Variants in SH3RF2 observed in about 807,000 individuals in gnomAD.
SH3RF2 encodes the protein SH3 domain containing ring finger 2.
A neutral mutation model predicts 59.0 loss-of-function variants in SH3RF2; 43 were observed. The ratio of observed to expected loss-of-function variants is 0.73; its 90% CI spans 0.57 to 0.94. The LOEUF (loss-of-function observed/expected upper bound fraction) is 0.94. Among genes scored for constraint, SH3RF2 ranks in the 40% least tolerant of loss-of-function variants. The pLI is 0.00. For missense variants in SH3RF2, 930 were observed against 940.1 expected (o/e 0.99, Z 0.14); for synonymous variants, 391 against 391.5 (o/e 1.00, Z 0.01).
intron 9 of SH3RF2, among the ~76,000 whole-genome samples, chr5:146,076,403 A>G (rs1408716416): frequency 6.6e-6 from 1 of 152,192 alleles, no homozygotes; most frequent in East Asian, 1.9e-4. Flanking sequence ...ACCTAGGCAC[A>G]GGGAGGAGAG....
At chr5:146,007,721 G>A (rs554352866) in intron 4 of SH3RF2, among the ~76,000 whole-genome samples, 49 of 152,200 alleles carry the variant, frequency 3.2e-4, no homozygotes, top group African/African-American at 1.1e-3. Context: ...TAAAATTAGC[G>A]AGTACAAGAA....
At chr5:146,017,104 T>G (rs1053544262) in intron 5 of SH3RF2, among the ~76,000 whole-genome samples, 1 of 152,168 alleles carries the variant, frequency 6.6e-6, no homozygotes, top group African/African-American at 2.4e-5. Flanking sequence ...TTTCTACCTG[T>G]GGGAAACCAC....
chr5:146,067,601 C>G (rs1763136761), downstream of SH3RF2, among the ~76,000 whole-genome samples: 2 of 152,214 alleles, frequency 1.3e-5, no homozygotes, highest in African/African-American at 4.8e-5. Context: ...AACAATATCC[C>G]CAAGTGATTC....
At position 146,062,707 on chromosome 5, in the gene SH3RF2, C is replaced by T. The variant is rs150674980; in HGVS notation, c.*6C>T. 6.6e-5 allele frequency: 106 copies of T among 1,609,492 alleles called. No homozygotes were observed. The highest frequency in any genetic ancestry group is 6.5e-4 in the South Asian group (59 of 90,662). ...CCGTGTTTCCCAGCAAATGAACCTA[C>T]GGGTGGCTTTTCCTAGACCCCAAAG... On this transcript the variant is annotated 3_prime_UTR_variant, in exon 10 of 10. Transcript: ENST00000359120.
At chr5:145,984,360 C>A (rs1759621080) in intron 2 of SH3RF2, among the ~76,000 whole-genome samples, 1 of 152,098 alleles carries the variant, frequency 6.6e-6, no homozygotes, top group Non-Finnish European at 1.5e-5. Context: ...GAGGAAGACC[C>A]AACCCAGGCT....
At chr5:145,961,258 T>C (rs1758621303) in intron 2 of SH3RF2, among the ~76,000 whole-genome samples, 1 of 150,456 alleles carries the variant, frequency 6.6e-6, no homozygotes, top group Non-Finnish European at 1.5e-5. Flanking sequence ...TCATCTTCAG[T>C]TGTCACTTAT....
Position 146,062,555 on chromosome 5 carries a change from G to A in SH3RF2, c.2044G>A (p.Gly682Ser). ...GTCCCAGCCTGAAGCAGCGTCCTTG[G>A]GCCCAGAGATGACCGTCCTATTTGC... is the stretch of plus-strand genomic sequence containing the variant. ...KASQPEAASL[G>S]PEMTVLFAHR... Residue 682 changes from glycine (G) to serine (S), a missense_variant, in exon 10 of 10, where the codon GGC (glycine) becomes AGC (serine). Physicochemically the swap from Gly to Ser is moderately conservative, Grantham distance 56 (BLOSUM62 0). Coordinates refer to ENST00000359120, the MANE Select transcript of SH3RF2 (RefSeq NM_152550.4). 6.2e-7 allele frequency: 1 copy of A among 1,614,076 alleles called. No individual in the cohort carries two copies. The highest frequency in any genetic ancestry group is 8.5e-7 in the Non-Finnish European group (1 of 1,180,020).
intron 2 of SH3RF2, among the ~76,000 whole-genome samples, chr5:145,952,027 C>G (rs113981202): frequency 9.9e-5 from 15 of 152,282 alleles, no homozygotes; most frequent in Non-Finnish European, 1.6e-4. Flanking sequence ...AACCTACCAC[C>G]TACATTGGTT....
At chr5:146,034,071 T>C (rs543388337) in intron 5 of SH3RF2, among the ~76,000 whole-genome samples, 2 of 152,370 alleles carry the variant, frequency 1.3e-5, no homozygotes, top group South Asian at 2.1e-4. Flanking sequence ...ATTATGTTTG[T>C]TGTAAGGATG....
exon 10 of SH3RF2, chr5:146,081,244 T>G (rs1763421193): frequency 6.6e-6 from 1 of 152,214 alleles, no homozygotes. Context: ...CAATATCTAG[T>G]ACTGGATAAT....
intron 2 of SH3RF2, among the ~76,000 whole-genome samples, chr5:145,986,849 A>T (rs1418154511): frequency 6.6e-6 from 1 of 152,168 alleles, no homozygotes; most frequent in Non-Finnish European, 1.5e-5. Flanking sequence ...GGCACTACTG[A>T]CTATAAGCAG....
In SH3RF2 at chr5:145,937,822, G is replaced by A. The variant is rs1757653775; in HGVS notation, c.-106-1G>A. 1.4e-6 allele frequency: 2 copies of A among 1,396,716 alleles called. No homozygotes were observed. The highest frequency in any genetic ancestry group is 9.6e-7 in the Non-Finnish European group (1 of 1,037,182). 86.5% of individuals were successfully genotyped at this position (1,396,716 alleles called of 1,614,324 possible). A position where few individuals can be genotyped will look rare whatever the true frequency, so the allele number is the denominator to read the frequency against. The stretch of plus-strand genomic sequence containing the variant: ...TTCTCTCCTCTCCCTCCTTCAAGCA[G>A]GCAAAAATTCTGACGTTCTCAAGAG... On this transcript the variant is annotated splice_acceptor_variant, in intron 1 of 9. Transcript: ENST00000359120. LOFTEE classifies it low-confidence loss of function (5UTR_SPLICE).
chr5:146,057,980 C>CTATATATATATA (rs1196213101), intron 8 of SH3RF2, among the ~76,000 whole-genome samples: 22 of 129,402 alleles, frequency 1.7e-4, no homozygotes, highest in African/African-American at 6.2e-4. Context: ...ATCTATCTAT[C>CTATATATATATA]TATCTATATA....
At chr5:146,079,208 C>G (rs1236926765) in exon 10 of SH3RF2, 1 of 152,084 alleles carries the variant, frequency 6.6e-6, no homozygotes, top group African/African-American at 2.4e-5. Context: ...ATATAAATAT[C>G]ACTTATAACC....
intron 2 of SH3RF2, among the ~76,000 whole-genome samples, chr5:145,988,050 G>A (rs1245678004): frequency 6.6e-6 from 1 of 152,164 alleles, no homozygotes; most frequent in Admixed American, 6.6e-5. Context: ...AAGTTAGTCA[G>A]CAGTGGAAAA....
At chr5:145,957,172 T>G (rs975108895) in intron 2 of SH3RF2, among the ~76,000 whole-genome samples, 2 of 152,224 alleles carry the variant, frequency 1.3e-5, no homozygotes, top group Non-Finnish European at 2.9e-5. Flanking sequence ...TTTTATAAAA[T>G]TTATTCCCTA....
chr5:146,052,964 C>T (rs1342097237), intron 7 of SH3RF2, among the ~76,000 whole-genome samples: 1 of 152,092 alleles, frequency 6.6e-6, no homozygotes, highest in Non-Finnish European at 1.5e-5. Flanking sequence ...AATGATGGCT[C>T]TTCACTGCCA....
chr5:146,029,899 G>C (rs994697215), intron 5 of SH3RF2, among the ~76,000 whole-genome samples: 10 of 152,194 alleles, frequency 6.6e-5, no homozygotes, highest in Non-Finnish European at 1.0e-4. Context: ...TTTGGGATAT[G>C]TAATATCCAT....
In SH3RF2 at chr5:146,062,713, G is replaced by C. The variant is rs1762946654; in HGVS notation, c.*12G>C. The stretch of plus-strand genomic sequence containing the variant: ...TTCCCAGCAAATGAACCTACGGGTG[G>C]CTTTTCCTAGACCCCAAAGAGGTGA... On this transcript the variant is annotated 3_prime_UTR_variant, in exon 10 of 10. Transcript: ENST00000359120. The C allele has an allele frequency of 6.2e-7, 1 of 1,607,474 alleles. No individual in the cohort carries two copies. The highest frequency in any genetic ancestry group is 1.3e-5 in the African/African-American group (1 of 74,816).
Sources: allele counts gnomAD v4.1 joint callset (sites outside exome capture counted in the v4.1 genomes callset), GRCh38; gene constraint gnomAD v4.1.1; transcripts MANE v1.5; gene names NCBI Gene and HGNC (gene_info 2026-07-23, HGNC 2026-07-21).